DOCK3: variants seen among roughly 807,000 people sequenced by gnomAD.
The protein encoded by DOCK3 is dedicator of cytokinesis 3.
Under a neutral mutation model 265.6 loss-of-function variants are expected in DOCK3, and 60 were observed. The observed-to-expected ratio is 0.23, with a 90% CI of 0.18 to 0.28. DOCK3 has a LOEUF of 0.28. DOCK3 is among the 10% of genes least tolerant of loss of function. The probability of loss-of-function intolerance (pLI) is 1.00; values close to 1 mark genes in which losing one functional copy is unlikely to be tolerated. For synonymous variants in DOCK3, 881 were observed against 938.0 expected (o/e 0.94, Z 1.11); for missense variants, 1,981 against 2,594.3 (o/e 0.76, Z 5.14).
At chr3:50,958,518 C>G (rs1487788344) in intron 5 of DOCK3, among the ~76,000 whole-genome samples, 1 of 152,142 alleles carries the variant, frequency 6.6e-6, no homozygotes. Flanking sequence ...TACGATAATA[C>G]ATATGTAAGC....
chr3:50,787,531 C>CT, intron 2 of DOCK3: 1 of 612,048 alleles, frequency 1.6e-6, no homozygotes, highest in Non-Finnish European at 2.8e-6. Context: ...GTAAAACTGT[C>CT]TCAAAAACAA....
At chr3:51,056,712 G>A (rs1265199299) in intron 5 of DOCK3, among the ~76,000 whole-genome samples, 1 of 152,136 alleles carries the variant, frequency 6.6e-6, no homozygotes, top group African/African-American at 2.4e-5. Flanking sequence ...AATGAAAAAA[G>A]AATGCTGTTT....
intron 4 of DOCK3, among the ~76,000 whole-genome samples, chr3:50,895,393 C>T (rs1198625787): frequency 1.2e-4 from 18 of 146,178 alleles, no homozygotes; most frequent in African/African-American, 4.0e-4. Context: ...TCTTCTTCTT[C>T]TTTTTTTTTT....
chr3:50,680,402 C>T (rs1441140146), intron 1 of DOCK3, among the ~76,000 whole-genome samples: 1 of 150,748 alleles, frequency 6.6e-6, no homozygotes, highest in Non-Finnish European at 1.5e-5. Flanking sequence ...TTAGTAGAGA[C>T]GGGGTTTCAC....
intron 24 of DOCK3, among the ~76,000 whole-genome samples, chr3:51,271,359 A>G (rs1431523101): frequency 1.3e-5 from 2 of 152,194 alleles, no homozygotes; most frequent in Non-Finnish European, 2.9e-5. Flanking sequence ...TCAAAGCACC[A>G]GTAGATTCAA....
chr3:51,193,495 T>C (rs1209616807), intron 12 of DOCK3, among the ~76,000 whole-genome samples: 1 of 152,106 alleles, frequency 6.6e-6, no homozygotes, highest in African/African-American at 2.4e-5. Flanking sequence ...ACAATTGGTA[T>C]TAGTTCTTTT....
intron 5 of DOCK3, among the ~76,000 whole-genome samples, chr3:50,976,339 T>G (rs890494177): frequency 0.014 from 1,904 of 135,860 alleles, 32 homozygotes; most frequent in African/African-American, 0.034. Context: ...TCTGGTATGT[T>G]GTGTCTTTGT....
chr3:51,379,347 G>A (rs1553617694), intron 51 of DOCK3: 1 of 974,928 alleles, frequency 1.0e-6, no homozygotes, highest in Non-Finnish European at 1.2e-6. Flanking sequence ...CCACATGTGT[G>A]CTGGATACGT....
At chr3:51,149,206 C>T (rs937529553) in intron 10 of DOCK3, among the ~76,000 whole-genome samples, 3 of 152,162 alleles carry the variant, frequency 2.0e-5, no homozygotes, top group African/African-American at 4.8e-5. Context: ...TGAAACTTTG[C>T]TGAAGTTGCT....
At chr3:51,003,402 C>T (rs1257441549) in intron 5 of DOCK3, among the ~76,000 whole-genome samples, 1 of 152,172 alleles carries the variant, frequency 6.6e-6, no homozygotes, top group Non-Finnish European at 1.5e-5. Context: ...ATCCCTCTGT[C>T]TCTATATTGG....
At chr3:50,843,286 A>G (rs1448724645) in intron 3 of DOCK3, among the ~76,000 whole-genome samples, 1 of 152,196 alleles carries the variant, frequency 6.6e-6, no homozygotes, top group Non-Finnish European at 1.5e-5. Flanking sequence ...TCAGTGTCCA[A>G]GACATTCTGG....
At chr3:51,367,456 T>G (rs2087286198) in intron 49 of DOCK3, among the ~76,000 whole-genome samples, 1 of 152,254 alleles carries the variant, frequency 6.6e-6, no homozygotes, top group African/African-American at 2.4e-5. Flanking sequence ...TTTGCCAGTC[T>G]GTGTCTTTTA....
At chr3:51,314,532 C>G (rs1042910520) in intron 31 of DOCK3, among the ~76,000 whole-genome samples, 1 of 152,190 alleles carries the variant, frequency 6.6e-6, no homozygotes, top group African/African-American at 2.4e-5. Context: ...ACTGGATATC[C>G]TCATCACTTA....
At chr3:51,290,335 C>A (rs1333800546) in intron 27 of DOCK3, among the ~76,000 whole-genome samples, 1 of 152,144 alleles carries the variant, frequency 6.6e-6, no homozygotes, top group Non-Finnish European at 1.5e-5. Context: ...CACATATACA[C>A]CATGGAATAC....
intron 5 of DOCK3, among the ~76,000 whole-genome samples, chr3:51,014,347 A>G (rs1024042495): frequency 8.5e-5 from 13 of 152,078 alleles, no homozygotes; most frequent in African/African-American, 3.1e-4. Flanking sequence ...TAAGCTTCCT[A>G]TCTAGATTTT....
intron 22 of DOCK3, 77 bp downstream of exon 22, chr3:51,246,884 C>A: frequency 7.0e-7 from 1 of 1,424,726 alleles, no homozygotes; most frequent in East Asian, 2.4e-5. Context: ...ATACAATGTG[C>A]AGGACAAATG....
In DOCK3 at chr3:50,908,916, A is replaced by G. The variant is rs565175113; in HGVS notation, c.218+18835A>G. Among the ~76,000 whole-genome samples, 139 of 152,080 alleles carry G rather than the reference A, an allele frequency of 9.1e-4. 1 individual carries two copies. Among genetic ancestry groups the G allele is most frequent in the South Asian group, 2.5e-3 (12 of 4,816 alleles). ...GTGCTGCTCTATTGGGTGCATATGT[A>G]TTTAGGTTATTTAGCTCTTTCTATT... On this transcript the variant is annotated intron_variant, in intron 4 of 52. Coordinates refer to ENST00000266037, the MANE Select transcript of DOCK3 (RefSeq NM_004947.5).
At chr3:51,312,160 A>G (rs1031323534) in intron 29 of DOCK3, 81 bp downstream of exon 29, 8 of 1,250,764 alleles carry the variant, frequency 6.4e-6, no homozygotes, top group Non-Finnish European at 9.1e-6. Flanking sequence ...TTTTTGCTTT[A>G]TTAATAGATT....
chr3:50,925,083 G>A (rs569695340), intron 4 of DOCK3, among the ~76,000 whole-genome samples: 1 of 125,088 alleles, frequency 8.0e-6, no homozygotes, highest in Admixed American at 8.2e-5. Flanking sequence ...ACAGGTTACT[G>A]TTATTTTTAT....
Sources: gnomAD v4.1 joint callset for allele counts (sites outside exome capture counted in the v4.1 genomes callset) on GRCh38, gnomAD v4.1.1 for gene constraint, MANE v1.5 for transcripts, NCBI Gene and HGNC (gene_info 2026-07-23, HGNC 2026-07-21) for gene names.